The following XKR6 variants were observed in gnomAD, a reference collection of about 807,000 sequenced individuals.
The protein encoded by XKR6 is XK related 6.
Under a neutral mutation model 56.7 loss-of-function variants are expected in XKR6, and 22 were observed. That is an observed-to-expected ratio of 0.39 (90% confidence interval 0.28 to 0.55). The LOEUF is 0.55. Among genes scored for constraint, XKR6 ranks in the 20% least tolerant of loss-of-function variants. The pLI, the probability that XKR6 is intolerant of heterozygous loss-of-function variation, is 0.66. For synonymous variants in XKR6, 524 were observed against 387.8 expected (o/e 1.35, Z -4.13); for missense variants, 852 against 889.0 (o/e 0.96, Z 0.53).
At chr8:11,116,502 C>T (rs111684181) in intron 1 of XKR6, among the ~76,000 whole-genome samples, 1,944 of 152,248 alleles carry the variant, frequency 0.013, 28 homozygotes, top group Non-Finnish European at 0.02. Context: ...TCCTGAGTAC[C>T]TGGGATTACA....
At chr8:11,133,797 C>A (rs1201392086) in intron 1 of XKR6, among the ~76,000 whole-genome samples, 2 of 152,118 alleles carry the variant, frequency 1.3e-5, no homozygotes, top group Admixed American at 6.5e-5. Flanking sequence ...AACCACCCCA[C>A]ATCCAAAACA....
intron 1 of XKR6, among the ~76,000 whole-genome samples, chr8:11,149,575 T>G (rs1324619169): frequency 6.6e-6 from 1 of 151,290 alleles, no homozygotes; most frequent in Non-Finnish European, 1.5e-5. Context: ...TAAAAGCTAA[T>G]GAGATGAAAA....
chr8:11,150,624 G>T (rs559681274), intron 1 of XKR6, among the ~76,000 whole-genome samples: 21 of 152,090 alleles, frequency 1.4e-4, no homozygotes, highest in Admixed American at 5.2e-4. Flanking sequence ...AGGCCAAGGC[G>T]GGTGGATCAC....
chr8:10,971,681 T>A (rs1004335416), intron 1 of XKR6, among the ~76,000 whole-genome samples: 1 of 152,110 alleles, frequency 6.6e-6, no homozygotes, highest in Non-Finnish European at 1.5e-5. Context: ...TACCATTTTC[T>A]CAGGACCATG....
chr8:10,903,470 T>C (rs1800098880), intron 2 of XKR6, among the ~76,000 whole-genome samples: 1 of 152,090 alleles, frequency 6.6e-6, no homozygotes, highest in Non-Finnish European at 1.5e-5. Flanking sequence ...CATTTTCTTA[T>C]TGAGAAGGGC....
intron 2 of XKR6, among the ~76,000 whole-genome samples, chr8:10,914,093 C>CAGT: frequency 6.6e-6 from 1 of 152,206 alleles, no homozygotes; most frequent in African/African-American, 2.4e-5. Context: ...CAACCTAACA[C>CAGT]CTCAGACTGG....
intron 1 of XKR6, among the ~76,000 whole-genome samples, chr8:11,076,388 T>C (rs1220384307): frequency 6.6e-6 from 1 of 152,122 alleles, no homozygotes; most frequent in African/African-American, 2.4e-5. Flanking sequence ...ATTATGCATA[T>C]TTTACCATAT....
At chr8:11,034,636 C>T (rs1409833895) in intron 1 of XKR6, among the ~76,000 whole-genome samples, 1 of 152,214 alleles carries the variant, frequency 6.6e-6, no homozygotes, top group Non-Finnish European at 1.5e-5. Context: ...GAATGGGAGA[C>T]AACTTTGTCC....
chr8:11,035,629 T>G (rs1023820550), intron 1 of XKR6, among the ~76,000 whole-genome samples: 1 of 152,196 alleles, frequency 6.6e-6, no homozygotes. Context: ...TGAAATATCC[T>G]GTTTTGCATG....
At chr8:11,046,603 A>T (rs1799417146) in intron 1 of XKR6, among the ~76,000 whole-genome samples, 1 of 152,208 alleles carries the variant, frequency 6.6e-6, no homozygotes, top group Admixed American at 6.5e-5. Context: ...AATATTTTTC[A>T]GTTATAAAAA....
intron 1 of XKR6, among the ~76,000 whole-genome samples, chr8:10,976,948 G>A (rs1174194421): frequency 2.0e-5 from 3 of 149,118 alleles, no homozygotes; most frequent in South Asian, 2.2e-4. Flanking sequence ...CCTGCTGAGC[G>A]TGCATGCCAT....
intron 1 of XKR6, among the ~76,000 whole-genome samples, chr8:11,118,633 T>G (rs1246802807): frequency 6.6e-6 from 1 of 152,224 alleles, no homozygotes; most frequent in Non-Finnish European, 1.5e-5. Context: ...TAGTTTGTAT[T>G]TCTGTGGGAT....
intron 1 of XKR6, among the ~76,000 whole-genome samples, chr8:11,166,075 C>A (rs1802055816): frequency 6.6e-6 from 1 of 151,834 alleles, no homozygotes; most frequent in Admixed American, 6.6e-5. Context: ...CCTGCCTCAG[C>A]CTCCCGAGTA....
At chr8:11,093,477 G>A (rs1198350876) in intron 1 of XKR6, among the ~76,000 whole-genome samples, 4 of 152,122 alleles carry the variant, frequency 2.6e-5, no homozygotes, top group African/African-American at 9.7e-5. Context: ...CCTGCTCCCC[G>A]CACTCCACTG....
chr8:11,037,309 T>C (rs867231818), intron 1 of XKR6, among the ~76,000 whole-genome samples: 3 of 152,324 alleles, frequency 2.0e-5, no homozygotes, highest in Middle Eastern at 6.8e-3. Flanking sequence ...CACTGCAACC[T>C]TCACCTCCCG....
chr8:11,159,545 C>G (rs1039221426), intron 1 of XKR6, among the ~76,000 whole-genome samples: 2 of 152,214 alleles, frequency 1.3e-5, no homozygotes, highest in African/African-American at 2.4e-5. Context: ...CATCCCCATT[C>G]CCTACATCAG....
chr8:11,017,435 C>G (rs1167402343), intron 1 of XKR6, among the ~76,000 whole-genome samples: 1 of 152,252 alleles, frequency 6.6e-6, no homozygotes, highest in Non-Finnish European at 1.5e-5. Flanking sequence ...GCAGCTTAGC[C>G]TGGAAACTCA....
At chr8:11,069,904 T>C (rs1800073992) in intron 1 of XKR6, among the ~76,000 whole-genome samples, 1 of 152,172 alleles carries the variant, frequency 6.6e-6, no homozygotes, top group Non-Finnish European at 1.5e-5. Flanking sequence ...CCTTGGGTAT[T>C]TTAATGTTCT....
At chr8:11,123,975 C>G (rs1424355657) in intron 1 of XKR6, 1 of 456,186 alleles carries the variant, frequency 2.2e-6, no homozygotes, top group South Asian at 1.5e-5. Flanking sequence ...TGCTCAGAGG[C>G]ACTGCCGTGA....
Sources: gnomAD v4.1 joint callset for allele counts (sites outside exome capture counted in the v4.1 genomes callset) on GRCh38, gnomAD v4.1.1 for gene constraint, MANE v1.5 for transcripts, NCBI Gene and HGNC (gene_info 2026-07-23, HGNC 2026-07-21) for gene names.